CBFA2T3: variants seen among roughly 807,000 people sequenced by gnomAD.
The protein encoded by CBFA2T3 is transcriptional corepressor CBFA2T3.
In CBFA2T3, 31 loss-of-function variants were observed where a neutral mutation model predicts 58.6. The ratio of observed to expected loss-of-function variants is 0.53; its 90% CI spans 0.40 to 0.71. The LOEUF (loss-of-function observed/expected upper bound fraction) is 0.71. Among genes scored for constraint, CBFA2T3 ranks in the 30% least tolerant of loss-of-function variants. The probability of loss-of-function intolerance (pLI) is 0.00; values close to 1 mark genes in which losing one functional copy is unlikely to be tolerated. For synonymous variants in CBFA2T3, 531 were observed against 421.9 expected, an observed-to-expected ratio of 1.26 and a Z score of -3.17; for missense variants, 1,076 against 963.1, an observed-to-expected ratio of 1.12 and a Z score of -1.55.
intron 1 of CBFA2T3, among the ~76,000 whole-genome samples, chr16:88,926,063 G>A (rs1216542748): frequency 6.6e-6 from 1 of 152,228 alleles, no homozygotes; most frequent in Non-Finnish European, 1.5e-5. Flanking sequence ...GAATTGTGCA[G>A]GGAGCACTTG....
intron 1 of CBFA2T3, among the ~76,000 whole-genome samples, chr16:88,947,962 G>C (rs1367597230): frequency 6.6e-6 from 1 of 152,184 alleles, no homozygotes; most frequent in Non-Finnish European, 1.5e-5. Context: ...AAGACATCTC[G>C]TAAAAGGAGG....
At chr16:88,888,680 C>T (rs1341530028) in intron 5 of CBFA2T3, among the ~76,000 whole-genome samples, 5 of 137,758 alleles carry the variant, frequency 3.6e-5, no homozygotes, top group Non-Finnish European at 1.6e-5. Flanking sequence ...ATCTGAGCCA[C>T]AAGACCTGGA....
chr16:88,967,499 C>T (rs563787751), intron 1 of CBFA2T3, among the ~76,000 whole-genome samples: 1 of 152,174 alleles, frequency 6.6e-6, no homozygotes, highest in East Asian at 1.9e-4. Flanking sequence ...ATGAGGAAGC[C>T]GTGGTGGGGT....
chr16:88,881,604 C>T (rs1055309118), intron 8 of CBFA2T3, 115 bp from the exon 9 acceptor site: 4 of 1,061,356 alleles, frequency 3.8e-6, no homozygotes, highest in African/African-American at 3.2e-5. Flanking sequence ...CAGCCCACCG[C>T]CCGTGAGAGT....
At chr16:88,897,967 C>T (rs1969950725) in intron 3 of CBFA2T3, 111 bp downstream of exon 3, 3 of 800,574 alleles carry the variant, frequency 3.7e-6, no homozygotes, top group South Asian at 2.8e-5. Context: ...GCTGAGGGTG[C>T]GGAGGCCGGG....
chr16:88,941,215 G>C, intron 1 of CBFA2T3: 1 of 973,714 alleles, frequency 1.0e-6, no homozygotes, highest in Non-Finnish European at 1.2e-6. Flanking sequence ...GCCATGCCGG[G>C]GACTCGGCTC....
At chr16:88,968,362 G>C (rs1378984578) in intron 1 of CBFA2T3, among the ~76,000 whole-genome samples, 2 of 152,234 alleles carry the variant, frequency 1.3e-5, no homozygotes, top group African/African-American at 4.8e-5. Flanking sequence ...GAGCCCCCCA[G>C]GTGGGGACGG....
intron 4 of CBFA2T3, 125 bp downstream of exon 4, chr16:88,892,119 C>T (rs1054619707): frequency 1.4e-5 from 20 of 1,389,910 alleles, no homozygotes; most frequent in African/African-American, 8.5e-5. Flanking sequence ...CAGGTGGCAT[C>T]GTGGGAGCGG....
intron 2 of CBFA2T3, 61 bp downstream of exon 2, chr16:88,901,443 A>G (rs926291702): frequency 2.3e-6 from 2 of 869,496 alleles, no homozygotes; most frequent in African/African-American, 3.6e-5. Flanking sequence ...CAGAATTTCA[A>G]ACAACACAAG....
chr16:88,899,196 C>G (rs1410052799), intron 2 of CBFA2T3, among the ~76,000 whole-genome samples: 1 of 152,086 alleles, frequency 6.6e-6, no homozygotes, highest in African/African-American at 2.4e-5. Context: ...CAGCTTGGCT[C>G]AGAGGCCAGT....
chr16:88,881,764 G>C, intron 8 of CBFA2T3: 1 of 430,972 alleles, frequency 2.3e-6, no homozygotes, highest in Non-Finnish European at 4.1e-6. Flanking sequence ...CGCTCAGCGG[G>C]GCTCTGCCTC....
chr16:88,972,344 A>T (rs1026437002), intron 1 of CBFA2T3, among the ~76,000 whole-genome samples: 1 of 151,136 alleles, frequency 6.6e-6, no homozygotes, highest in Non-Finnish European at 1.5e-5. Flanking sequence ...GTTGGGGGGG[A>T]GTCAGGCTTT....
intron 1 of CBFA2T3, among the ~76,000 whole-genome samples, chr16:88,968,123 A>T (rs7405110): frequency 0.43 from 65,309 of 152,120 alleles, 15,979 homozygotes; most frequent in East Asian, 0.77. Context: ...CATACCGCCC[A>T]TGCTGGGGCC....
In CBFA2T3 at chr16:88,893,970, C is replaced by G. The variant is rs557149858; in HGVS notation, c.380-1485G>C. The stretch of plus-strand genomic sequence containing the variant: ...GACAGGGGAGGGGGACTGGATGCCT[C>G]TGGGAGGCCTGAAGTCCTGGCCAGC... On this transcript the variant is annotated intron_variant, in intron 3 of 11. Coordinates refer to ENST00000268679, the MANE Select transcript of CBFA2T3 (RefSeq NM_005187.6). Among the ~76,000 whole-genome samples, 7 of 152,282 alleles carry G rather than the reference C, an allele frequency of 4.6e-5. No individual in the cohort carries two copies. In the East Asian group the frequency reaches 5.8e-4, roughly 13 times the overall value.
At chr16:88,957,519 A>G (rs1201743358) in intron 1 of CBFA2T3, 2 of 152,268 alleles carry the variant, frequency 1.3e-5, no homozygotes, top group African/African-American at 4.8e-5. Flanking sequence ...ACCCCCAGAC[A>G]CATCCCCTTG....
At chr16:88,975,419 C>T (rs1040765951) in intron 1 of CBFA2T3, among the ~76,000 whole-genome samples, 3 of 152,222 alleles carry the variant, frequency 2.0e-5, no homozygotes, top group Admixed American at 1.3e-4. Flanking sequence ...CGTCTCTCTC[C>T]GCGCCGGTGA....
intron 1 of CBFA2T3, among the ~76,000 whole-genome samples, chr16:88,935,769 C>G (rs1207362834): frequency 6.6e-6 from 1 of 152,236 alleles, no homozygotes; most frequent in Non-Finnish European, 1.5e-5. Context: ...AGGACACCAC[C>G]GGGTGTCCCC....
chr16:88,976,730 G>A lies in CBFA2T3; in HGVS notation c.78C>T (p.His26=), dbSNP rs754047567. The A allele has an allele frequency of 4.5e-6, 7 of 1,557,694 alleles. No homozygotes were observed. The South Asian group carries it at 4.7e-5, about 11-fold the overall frequency. The part of the protein sequence containing the change: ...GSTCGSMSQT[H]PVLESGLLAS... The stretch of plus-strand genomic sequence containing the variant: ...CCAGGAGGCCGCTCTCCAGCACAGG[G>A]TGCGTCTGGGACATGGAGCCACAGG... Residue 26 remains histidine (H), a synonymous_variant, in exon 1 of 12, where the codon CAC becomes CAT. Coordinates refer to ENST00000268679, the MANE Select transcript of CBFA2T3 (RefSeq NM_005187.6).
chr16:88,896,223 C>CG lies in CBFA2T3; in HGVS notation c.379+1854dup, dbSNP rs564501345. Among the ~76,000 whole-genome samples, 30 of 152,250 alleles carry CG rather than the reference C, an allele frequency of 2.0e-4. No homozygotes were observed. In the East Asian group the frequency reaches 2.1e-3, roughly 11 times the overall value. On this transcript the variant is annotated intron_variant, in intron 3 of 11. Transcript: ENST00000268679. ...CACGCGTGGCCTCAGACTTTCCCTA[C>CG]GGGGGGGCTGCAGGATTGAGACATC...
Sources: allele counts gnomAD v4.1 joint callset (sites outside exome capture counted in the v4.1 genomes callset), GRCh38; gene constraint gnomAD v4.1.1; transcripts MANE v1.5; gene names NCBI Gene and HGNC (gene_info 2026-07-23, HGNC 2026-07-21).